The following CHL1 variants were observed in gnomAD, a reference collection of about 807,000 sequenced individuals.
CHL1 encodes cell adhesion molecule L1 like.
A neutral mutation model predicts 141.9 loss-of-function variants in CHL1; 96 were observed. That is an observed-to-expected ratio of 0.68 (90% CI 0.57 to 0.80). The LOEUF (loss-of-function observed/expected upper bound fraction) is 0.80, where lower values mean the gene tolerates loss of function less well. Ranked by LOEUF, CHL1 falls within the 30% of genes least tolerant of loss-of-function variation. CHL1 has a pLI of 0.00. For synonymous variants in CHL1, 613 were observed against 502.2 expected (o/e 1.22, Z -2.95); for missense variants, 1,820 against 1,457.2 (o/e 1.25, Z -4.05).
chr3:371,295 T>A (rs959613283), intron 15 of CHL1, among the ~76,000 whole-genome samples: 1 of 152,206 alleles, frequency 6.6e-6, no homozygotes, highest in Non-Finnish European at 1.5e-5. Flanking sequence ...GCTCCTGTAT[T>A]GGATGCATAT....
chr3:213,313 G>A (rs1700048302), intron 1 of CHL1: 1 of 152,140 alleles, frequency 6.6e-6, no homozygotes, highest in African/African-American at 2.4e-5. Flanking sequence ...ACTGTTCAAG[G>A]AGATGCAGCC....
At chr3:356,518 A>G (rs549816342) in intron 11 of CHL1, among the ~76,000 whole-genome samples, 2 of 152,320 alleles carry the variant, frequency 1.3e-5, no homozygotes, top group Admixed American at 6.5e-5. Flanking sequence ...GACAAATAAC[A>G]CATGAGTGTG....
At chr3:301,096 A>G (rs1698686455) in intron 2 of CHL1, among the ~76,000 whole-genome samples, 1 of 152,182 alleles carries the variant, frequency 6.6e-6, no homozygotes, top group Non-Finnish European at 1.5e-5. Flanking sequence ...TTTTTTAAAA[A>G]TATTAACCCA....
chr3:391,571 T>C, intron 22 of CHL1, 104 bp from the exon 23 acceptor site: 1 of 741,876 alleles, frequency 1.3e-6, no homozygotes, highest in Non-Finnish European at 2.2e-6. Context: ...AATATTTACT[T>C]CAGATGAGTT....
intron 1 of CHL1, among the ~76,000 whole-genome samples, chr3:231,525 T>A (rs889540002): frequency 1.1e-4 from 17 of 151,958 alleles, no homozygotes; most frequent in African/African-American, 4.1e-4. Context: ...GAAGTTTATA[T>A]TCATTGAAAT....
intron 10 of CHL1, among the ~76,000 whole-genome samples, chr3:351,654 T>A (rs1020662380): frequency 5.3e-5 from 8 of 152,234 alleles, no homozygotes; most frequent in African/African-American, 1.4e-4. Flanking sequence ...ATCTACTCCA[T>A]TCTGAAAACA....
intron 14 of CHL1, 163 bp downstream of exon 14, chr3:363,546 A>G (rs1316312325): frequency 1.6e-6 from 1 of 626,632 alleles, no homozygotes; most frequent in Admixed American, 3.1e-5. Flanking sequence ...GATTATTGCA[A>G]GAACTACAGG....
At chr3:388,778 T>C (rs1346450616) in intron 19 of CHL1, among the ~76,000 whole-genome samples, 1 of 152,070 alleles carries the variant, frequency 6.6e-6, no homozygotes, top group Non-Finnish European at 1.5e-5. Flanking sequence ...AGAAGAAAAA[T>C]GGAGAAGGAT....
intron 2 of CHL1, among the ~76,000 whole-genome samples, chr3:291,290 T>A (rs1291173253): frequency 2.0e-5 from 3 of 152,170 alleles, no homozygotes; most frequent in Non-Finnish European, 2.9e-5. Flanking sequence ...AATGATGTCA[T>A]ATATATTAGC....
chr3:356,279 A>T (rs180881964), intron 11 of CHL1, among the ~76,000 whole-genome samples: 1 of 152,362 alleles, frequency 6.6e-6, no homozygotes, highest in East Asian at 1.9e-4. Flanking sequence ...GGAACACAAA[A>T]TCATAAAATA....
chr3:277,454 A>G (rs1224567798), intron 2 of CHL1, among the ~76,000 whole-genome samples: 1 of 152,236 alleles, frequency 6.6e-6, no homozygotes, highest in Non-Finnish European at 1.5e-5. Flanking sequence ...GACAACTGGC[A>G]GAAGAACACA....
intron 5 of CHL1, among the ~76,000 whole-genome samples, chr3:329,143 T>G (rs562528450): frequency 6.6e-6 from 1 of 152,144 alleles, no homozygotes; most frequent in Non-Finnish European, 1.5e-5. Flanking sequence ...CCACCTTTTA[T>G]ATTTTATCAC....
chr3:277,742 C>T (rs1696277265), intron 2 of CHL1, among the ~76,000 whole-genome samples: 1 of 152,130 alleles, frequency 6.6e-6, no homozygotes, highest in Non-Finnish European at 1.5e-5. Flanking sequence ...TTCCATATTT[C>T]CCCCTTTCCC....
At chr3:201,668 G>A (rs1337747003) in intron 1 of CHL1, among the ~76,000 whole-genome samples, 1 of 152,132 alleles carries the variant, frequency 6.6e-6, no homozygotes, top group Non-Finnish European at 1.5e-5. Flanking sequence ...ATCAAATGAT[G>A]CTGGCAGATG....
chr3:405,745 C>A lies in CHL1; in HGVS notation c.*34C>A, dbSNP rs528248992. 4 of 1,480,042 alleles carry A rather than the reference C, an allele frequency of 2.7e-6. No individual in the cohort carries two copies. The highest frequency in any genetic ancestry group is 3.8e-6 in the Non-Finnish European group (4 of 1,059,914). The allele number at this position is 1,480,042 out of a possible 1,614,324, so 91.7% of individuals were successfully genotyped here. On this transcript the variant is annotated 3_prime_UTR_variant, in exon 28 of 28. Transcript: ENST00000256509. ...TATGTAAGCAACGCTACTGGTTCACCCCAACCTTCCATATTTATCTGTTCA... is the reference window on the plus strand; with the variant it reads ...TATGTAAGCAACGCTACTGGTTCACACCAACCTTCCATATTTATCTGTTCA...
At chr3:233,813 C>G (rs1264186215) in intron 1 of CHL1, among the ~76,000 whole-genome samples, 2 of 151,936 alleles carry the variant, frequency 1.3e-5, no homozygotes. Context: ...AATTATTTCT[C>G]TATTATTGGG....
intron 23 of CHL1, 29 bp from the exon 24 acceptor site, chr3:394,664 T>A: frequency 6.6e-7 from 1 of 1,507,362 alleles, no homozygotes; most frequent in Non-Finnish European, 9.1e-7. Flanking sequence ...TAAATACATT[T>A]GAGCTGTTGT....
rs115856421 is a variant in CHL1, at chr3:284,228, G to T, written c.-94-35455G>T. ...TAAGGGAAAGACAGGGGGGCTGCAT[G>T]AGATTAGTGGACAAGGAAGGACTTT... is the stretch of plus-strand genomic sequence containing the variant. On this transcript the variant is annotated intron_variant, in intron 2 of 27. Coordinates refer to ENST00000256509, the MANE Select transcript of CHL1 (RefSeq NM_006614.4). Among the ~76,000 whole-genome samples, 171 of 152,318 alleles carry T rather than the reference G, an allele frequency of 1.1e-3. 1 individual carries two copies. The highest frequency in any genetic ancestry group is 7.9e-3 in the South Asian group (38 of 4,820).
At chr3:254,310 G>C (rs967960034) in intron 2 of CHL1, among the ~76,000 whole-genome samples, 2 of 152,058 alleles carry the variant, frequency 1.3e-5, no homozygotes, top group Non-Finnish European at 2.9e-5. Flanking sequence ...TAATAAACAA[G>C]ACTCTTCTTC....
Sources: allele counts gnomAD v4.1 joint callset (sites outside exome capture counted in the v4.1 genomes callset), GRCh38; gene constraint gnomAD v4.1.1; transcripts MANE v1.5; gene names NCBI Gene and HGNC (gene_info 2026-07-23, HGNC 2026-07-21).